Variants in RHBDD1 observed in about 807,000 individuals in gnomAD.
RHBDD1 encodes the protein rhomboid-related protein 4.
Under a neutral mutation model 36.3 loss-of-function variants are expected in RHBDD1, and 38 were observed. The ratio of observed to expected loss-of-function variants is 1.05; its 90% CI spans 0.81 to 1.37. RHBDD1 has a LOEUF of 1.37. Among genes scored for constraint, RHBDD1 ranks in the 40% most tolerant of loss-of-function variants. RHBDD1 has a pLI of 0.00. For missense variants in RHBDD1, 393 were observed against 377.6 expected, an observed-to-expected ratio of 1.04 and a Z score of -0.34; for synonymous variants, 151 against 136.5, an observed-to-expected ratio of 1.11 and a Z score of -0.74.
the RHBDD1 span, among the ~76,000 whole-genome samples, chr2:226,816,464 A>G: frequency 6.6e-6 from 1 of 152,136 alleles, no homozygotes; most frequent in Non-Finnish European, 1.5e-5. Context: ...GAAGGTCACA[A>G]ATTTCTTCTG....
chr2:226,890,485 C>G (rs1946592834), intron 5 of RHBDD1, among the ~76,000 whole-genome samples: 3 of 152,186 alleles, frequency 2.0e-5, no homozygotes, highest in Admixed American at 2.0e-4. Flanking sequence ...TTATTAGAAT[C>G]ATCAGGTCCT....
chr2:226,885,916 C>A (rs993806137), intron 5 of RHBDD1, among the ~76,000 whole-genome samples: 1 of 152,004 alleles, frequency 6.6e-6, no homozygotes, highest in African/African-American at 2.4e-5. Context: ...GACGAATGGG[C>A]AGGTAGTGTA....
At chr2:226,855,494 C>A (rs1574819663) in intron 3 of RHBDD1, among the ~76,000 whole-genome samples, 1 of 152,142 alleles carries the variant, frequency 6.6e-6, no homozygotes, top group Non-Finnish European at 1.5e-5. Context: ...CAGAATGAGA[C>A]CCTGTCTCTA....
At chr2:226,968,006 G>T (rs1379738342) in intron 8 of RHBDD1, among the ~76,000 whole-genome samples, 1 of 152,168 alleles carries the variant, frequency 6.6e-6, no homozygotes, top group Non-Finnish European at 1.5e-5. Context: ...TGAGCATTTT[G>T]TATGAGTTTT....
chr2:226,896,894 C>T (rs1438218853), intron 5 of RHBDD1, among the ~76,000 whole-genome samples: 11 of 152,168 alleles, frequency 7.2e-5, no homozygotes, highest in African/African-American at 2.2e-4. Flanking sequence ...CCTCTGTCCC[C>T]GGGGTTCAAG....
At chr2:226,821,459 C>T in the RHBDD1 span, among the ~76,000 whole-genome samples, 1 of 151,936 alleles carries the variant, frequency 6.6e-6, no homozygotes, top group African/African-American at 2.4e-5. Flanking sequence ...TGCCCCCTGC[C>T]CCATGACTTA....
intron 8 of RHBDD1, among the ~76,000 whole-genome samples, chr2:226,973,842 C>A (rs887034735): frequency 3.4e-4 from 52 of 152,174 alleles, no homozygotes; most frequent in Admixed American, 2.6e-4. Context: ...CTCCGGAGCC[C>A]ATGAGTAAGG....
At chr2:226,833,305 C>T (rs1048381046), upstream of RHBDD1, among the ~76,000 whole-genome samples, 11 of 152,344 alleles carry the variant, frequency 7.2e-5, no homozygotes, top group South Asian at 2.1e-3. Flanking sequence ...AAACAAGCTT[C>T]TCCCTTAAAA....
intron 8 of RHBDD1, among the ~76,000 whole-genome samples, chr2:226,940,406 C>T (rs995519043): frequency 6.6e-6 from 1 of 152,100 alleles, no homozygotes; most frequent in Non-Finnish European, 1.5e-5. Flanking sequence ...TTTATATCTT[C>T]AATTATGAAT....
At chr2:226,827,106 T>G in the RHBDD1 span, among the ~76,000 whole-genome samples, 1 of 152,090 alleles carries the variant, frequency 6.6e-6, no homozygotes, top group Non-Finnish European at 1.5e-5. Context: ...CACAGGTGCA[T>G]ACCACCATGT....
intron 8 of RHBDD1, among the ~76,000 whole-genome samples, chr2:226,984,738 C>T (rs1311756234): frequency 6.6e-6 from 1 of 152,140 alleles, no homozygotes; most frequent in Non-Finnish European, 1.5e-5. Context: ...TCATGGAATA[C>T]TCAATTTATA....
intron 3 of RHBDD1, among the ~76,000 whole-genome samples, chr2:226,863,131 T>C (rs1297405618): frequency 1.3e-5 from 2 of 152,192 alleles, no homozygotes; most frequent in African/African-American, 4.8e-5. Context: ...ACGGATCACC[T>C]GAGGTCAGGA....
At chr2:226,914,151 G>A in intron 7 of RHBDD1, 57 bp from the exon 8 acceptor site, 2 of 1,512,374 alleles carry the variant, frequency 1.3e-6, no homozygotes, top group Non-Finnish European at 1.8e-6. Context: ...TACAAAACAG[G>A]AAGTATAAAA....
chr2:226,896,965 G>A (rs915522812), intron 5 of RHBDD1, among the ~76,000 whole-genome samples: 1 of 151,960 alleles, frequency 6.6e-6, no homozygotes, highest in African/African-American at 2.4e-5. Flanking sequence ...ACCATGCCTG[G>A]CTAATCTTTG....
chr2:226,929,891 A>G (rs1340037845), intron 8 of RHBDD1, among the ~76,000 whole-genome samples: 1 of 152,034 alleles, frequency 6.6e-6, no homozygotes, highest in African/African-American at 2.4e-5. Context: ...AACCCCTTTT[A>G]TGATAGCTGC....
At chr2:226,820,767 C>A in the RHBDD1 span, among the ~76,000 whole-genome samples, 1 of 151,988 alleles carries the variant, frequency 6.6e-6, no homozygotes, top group African/African-American at 2.4e-5. Flanking sequence ...CCACTGCACT[C>A]CAGCCTGAGA....
intron 8 of RHBDD1, chr2:226,988,720 A>T: frequency 1.1e-6 from 1 of 931,848 alleles, no homozygotes; most frequent in Non-Finnish European, 1.3e-6. Flanking sequence ...ATATACATAG[A>T]TATAGATATA....
rs559861518 is a variant in RHBDD1 at position 226,926,206 on chromosome 2, C to T, written c.856+11855C>T. On this transcript the variant is annotated intron_variant, in intron 8 of 8. Transcript: ENST00000392062. The stretch of plus-strand genomic sequence containing the variant: ...CATCCTGGCTAACACAGTGAAACCC[C>T]GTGTCTACTAAGTAAATAAAAAAAA... Among the ~76,000 whole-genome samples the T allele has an allele frequency of 6.7e-4, 99 of 148,068 alleles. 1 individual carries two copies. The highest frequency in any genetic ancestry group is 1.4e-3 in the Admixed American group (20 of 14,812).
At chr2:226,932,264 T>C (rs1348639347) in intron 8 of RHBDD1, among the ~76,000 whole-genome samples, 1 of 152,168 alleles carries the variant, frequency 6.6e-6, no homozygotes, top group African/African-American at 2.4e-5. Context: ...AAATGCCACG[T>C]GCACCTGAAA....
Sources: allele counts gnomAD v4.1 joint callset (sites outside exome capture counted in the v4.1 genomes callset), GRCh38; gene constraint gnomAD v4.1.1; transcripts MANE v1.5; gene names NCBI Gene and HGNC (gene_info 2026-07-23, HGNC 2026-07-21).